The following SNX1 variants were observed in gnomAD, a reference collection of about 807,000 sequenced individuals.
SNX1 encodes the protein sorting nexin 1.
In SNX1, 36 loss-of-function variants were observed where a neutral mutation model predicts 71.8. That is an observed-to-expected ratio of 0.50 (90% CI 0.38 to 0.66). The LOEUF (loss-of-function observed/expected upper bound fraction) is 0.66, where lower values mean the gene tolerates loss of function less well. Ranked by LOEUF, SNX1 falls within the 30% of genes least tolerant of loss-of-function variation. SNX1 has a pLI of 0.00. For synonymous variants in SNX1, 254 were observed against 240.7 expected (o/e 1.06, Z -0.51); for missense variants, 612 against 646.7 (o/e 0.95, Z 0.58).
rs769222827 is a variant in SNX1, at chr15:64,136,901, A to T, written c.1487A>T (p.Tyr496Phe). 1.2e-4 allele frequency: 194 copies of T among 1,613,940 alleles called. No individual in the cohort carries two copies. Among genetic ancestry groups the T allele is most frequent in the Non-Finnish European group, 1.6e-4 (184 of 1,179,948 alleles). ...GACTTCAAGAACCACGTGATCAAGT[A>T]CCTTGAGACACTCCTTTACTCACAG... is the stretch of plus-strand genomic sequence containing the variant. ...SKDFKNHVIK[Y>F]LETLLYSQQQ... is the part of the protein sequence containing the mutation. The change falls in exon 14 of 15, where the codon TAC (tyrosine) becomes TTC (phenylalanine). Residue 496 changes from tyrosine (Y) to phenylalanine (F), a missense_variant. By Grantham distance (22) the Tyr-to-Phe change is conservative. Transcript: ENST00000559844.
intron 1 of SNX1, among the ~76,000 whole-genome samples, chr15:64,105,597 G>T (rs1313704447): frequency 6.6e-6 from 1 of 152,134 alleles, no homozygotes; most frequent in African/African-American, 2.4e-5. Flanking sequence ...ATTTGAACTG[G>T]GTTTGCTTTT....
intron 9 of SNX1, 38 bp from the exon 10 acceptor site, chr15:64,130,190 A>G (rs2081292243): frequency 6.3e-7 from 1 of 1,580,972 alleles, no homozygotes; most frequent in African/African-American, 1.3e-5. Context: ...GCACCCATAA[A>G]AGTAATCTCA....
At chr15:64,106,109 C>T (rs1343274136) in intron 1 of SNX1, among the ~76,000 whole-genome samples, 1 of 151,944 alleles carries the variant, frequency 6.6e-6, no homozygotes, top group African/African-American at 2.4e-5. Context: ...TCTATAAAAA[C>T]CATAATCTCA....
chr15:64,097,952 C>T (rs915770016), intron 1 of SNX1, among the ~76,000 whole-genome samples: 2 of 152,172 alleles, frequency 1.3e-5, no homozygotes, highest in African/African-American at 4.8e-5. Flanking sequence ...CTTGATAATT[C>T]TAATATAACA....
intron 11 of SNX1, 85 bp downstream of exon 11, chr15:64,131,977 C>A (rs1299385284): frequency 7.1e-7 from 1 of 1,407,114 alleles, no homozygotes; most frequent in African/African-American, 1.4e-5. Flanking sequence ...CAGTTTCATC[C>A]CATTATAGCT....
Position 64,139,835 on chromosome 15 carries a change from C to G in SNX1, c.*2217C>G, listed in dbSNP as rs891307545. On this transcript the variant is annotated 3_prime_UTR_variant, in exon 15 of 15. Coordinates refer to ENST00000559844, the MANE Select transcript of SNX1 (RefSeq NM_003099.5). ...GATTCCTCAACTTTCTTTTGTCTTT[C>G]ATTACCATGACATTTTTGAAGAATA... is the stretch of plus-strand genomic sequence containing the variant. 5.3e-5 allele frequency: 8 copies of G among 152,122 alleles called. No homozygotes were observed. The highest frequency in any genetic ancestry group is 1.9e-4 in the African/African-American group (8 of 41,396). The allele number at this position is 152,122 out of a possible 1,614,324, so 9.4% of individuals were successfully genotyped here. A position where few individuals can be genotyped will look rare whatever the true frequency, so the allele number is the denominator to read the frequency against.
chr15:64,100,202 C>G (rs182865958), intron 1 of SNX1, among the ~76,000 whole-genome samples: 2 of 152,208 alleles, frequency 1.3e-5, no homozygotes, highest in East Asian at 3.8e-4. Flanking sequence ...CTCTCTTTTA[C>G]AGCCCAAGAG....
At chr15:64,133,527 C>T (rs1396713484) in intron 11 of SNX1, among the ~76,000 whole-genome samples, 8 of 152,102 alleles carry the variant, frequency 5.3e-5, no homozygotes, top group African/African-American at 1.7e-4. Flanking sequence ...GTCAGGAGTT[C>T]GAGACCAGCC....
chr15:64,127,371 G>A lies in SNX1; in HGVS notation c.731+119G>A, dbSNP rs1050052394. 8.0e-6 allele frequency: 6 copies of A among 748,902 alleles called. No individual in the cohort carries two copies. In the African/African-American group the frequency reaches 8.9e-5, roughly 11 times the overall value. 46.4% of individuals were successfully genotyped at this position (748,902 alleles called of 1,614,324 possible). The stretch of plus-strand genomic sequence containing the variant: ...GATGAAACGTGAATAAATTGAAGTT[G>A]CACACCTCCATATTATCTCTTAACT... On this transcript the variant is annotated intron_variant, in intron 7 of 14. Coordinates refer to ENST00000559844, the MANE Select transcript of SNX1 (RefSeq NM_003099.5).
chr15:64,119,188 A>G (rs1027807904), intron 4 of SNX1, among the ~76,000 whole-genome samples: 1 of 152,092 alleles, frequency 6.6e-6, no homozygotes, highest in East Asian at 1.9e-4. Context: ...GCACTATCAT[A>G]GCTCACTATC....
chr15:64,112,448 C>T (rs1232129119), intron 1 of SNX1, 125 bp from the exon 2 acceptor site: 8 of 597,578 alleles, frequency 1.3e-5, no homozygotes, highest in South Asian at 9.0e-5. Context: ...TTACTAATAA[C>T]GATTTGCTGC....
intron 1 of SNX1, among the ~76,000 whole-genome samples, chr15:64,099,902 G>C (rs571669050): frequency 1.3e-5 from 2 of 152,090 alleles, no homozygotes; most frequent in Non-Finnish European, 2.9e-5. Flanking sequence ...AGTAGAGATG[G>C]GGTTTTACCA....
At chr15:64,116,541 G>C (rs946267968) in intron 2 of SNX1, among the ~76,000 whole-genome samples, 1 of 152,182 alleles carries the variant, frequency 6.6e-6, no homozygotes, top group African/African-American at 2.4e-5. Context: ...TTAGAATACT[G>C]ATCTGGGACT....
chr15:64,118,206 G>A lies in SNX1; in HGVS notation c.361G>A (p.Ala121Thr). ...ACTCATTTCTCTTCCTCCTCAGGAA[G>A]CCACAAATTCTTCGAAGCCCCAGCC... Reference protein sequence around the residue: ...KTLISLPPQEATNSSKPQPTY... With the variant: ...KTLISLPPQETTNSSKPQPTY... The change falls in exon 3 of 15, where the codon GCC (alanine) becomes ACC (threonine). Residue 121 changes from alanine to threonine, a missense_variant. Around this residue, in one of 2 missense-constraint regions of SNX1, gnomAD observed 316 missense variants for 284.9 expected, o/e 1.11. Transcript: ENST00000559844. The A allele has an allele frequency of 6.2e-7, 1 of 1,613,576 alleles. No homozygotes were observed. Among genetic ancestry groups the A allele is most frequent in the East Asian group, 2.2e-5 (1 of 44,872 alleles).
intron 1 of SNX1, among the ~76,000 whole-genome samples, chr15:64,107,745 G>GA (rs71287033): frequency 0.57 from 82,488 of 145,336 alleles, 26,468 homozygotes; most frequent in East Asian, 0.8. Flanking sequence ...CTGCGAAAAG[G>GA]AAAAAAAAAA....
chr15:64,115,105 T>C (rs1032147524), intron 2 of SNX1, among the ~76,000 whole-genome samples: 15 of 152,244 alleles, frequency 9.9e-5, no homozygotes, highest in Non-Finnish European at 2.2e-4. Flanking sequence ...TTATATGATC[T>C]TTCATTATAA....
In SNX1 at chr15:64,126,370, A is replaced by G; in HGVS notation, c.652+150A>G. On this transcript the variant is annotated intron_variant, in intron 6 of 14. Coordinates refer to ENST00000559844, the MANE Select transcript of SNX1 (RefSeq NM_003099.5). ...CAGTGTTTTCCTACACTGGAGGTCT[A>G]GAGAAAAATAGCATATTTTGGCATG... is the stretch of plus-strand genomic sequence containing the variant. 3.4e-6 allele frequency: 3 copies of G among 888,928 alleles called. No individual in the cohort carries two copies. The East Asian group carries it at 8.2e-5, about 24-fold the overall frequency. 55.1% of individuals were successfully genotyped at this position (888,928 alleles called of 1,614,324 possible). A position where few individuals can be genotyped will look rare whatever the true frequency, so the allele number is the denominator to read the frequency against.
intron 1 of SNX1, among the ~76,000 whole-genome samples, chr15:64,112,253 G>A (rs192089915): frequency 2.7e-3 from 406 of 152,216 alleles, no homozygotes; most frequent in African/African-American, 9.2e-3. Flanking sequence ...AAGAATAAAG[G>A]TCATCAGCTG....
Position 64,112,703 on chromosome 15 carries a change from G to T in SNX1, c.271+19G>T. The T allele has an allele frequency of 6.6e-7, 1 of 1,524,238 alleles. No individual in the cohort carries two copies. The highest frequency in any genetic ancestry group is 9.1e-7 in the Non-Finnish European group (1 of 1,103,776). The allele number at this position is 1,524,238 out of a possible 1,614,324, so 94.4% of individuals were successfully genotyped here. ...TTTGCAGGCAAGTTTGGACTCAAAA[G>T]TTACTCTAGGAACCTCCTAAATGGC... On this transcript the variant is annotated intron_variant, in intron 2 of 14. Transcript: ENST00000559844.
Sources: allele counts gnomAD v4.1 joint callset (sites outside exome capture counted in the v4.1 genomes callset), GRCh38; gene constraint gnomAD v4.1.1; regional missense constraint gnomAD v4.1.1; transcripts MANE v1.5; gene names NCBI Gene and HGNC (gene_info 2026-07-23, HGNC 2026-07-21).